Variants in PTPRD observed in about 807,000 individuals in gnomAD.
PTPRD encodes protein tyrosine phosphatase receptor type D.
PTPRD carries 34 observed loss-of-function variants against 214.5 expected under a neutral mutation model. That is an observed-to-expected ratio of 0.16 (90% confidence interval 0.12 to 0.21). The LOEUF (loss-of-function observed/expected upper bound fraction) is 0.21. Among genes scored for constraint, PTPRD ranks in the 10% least tolerant of loss-of-function variants. The probability of loss-of-function intolerance (pLI) is 1.00; values close to 1 mark genes in which losing one functional copy is unlikely to be tolerated. For synonymous variants in PTPRD, 1,128 were observed against 845.7 expected, an observed-to-expected ratio of 1.33 and a Z score of -5.79; for missense variants, 2,545 against 2,398.7, an observed-to-expected ratio of 1.06 and a Z score of -1.27.
In PTPRD at chr9:8,317,877, C is replaced by A; in HGVS notation, c.5736G>T (p.Thr1912=). The A allele has an allele frequency of 6.2e-7, 1 of 1,611,936 alleles. No homozygotes were observed. Among genetic ancestry groups the A allele is most frequent in the Non-Finnish European group, 8.5e-7 (1 of 1,178,550 alleles). ...ATCCAGAATGGGTCAGGGGTTTCTA[C>A]GTTGCATAGTGGTCAAAGCTGCCCA... ...EYLGSFDHYA[T] is the part of the protein sequence containing the mutation. Residue 1912 remains threonine (T), a synonymous_variant, in exon 46 of 46, where the codon ACG becomes ACT. Transcript: ENST00000381196.
intron 10 of PTPRD, among the ~76,000 whole-genome samples, chr9:9,088,822 C>G (rs900198727): frequency 2.6e-5 from 4 of 152,070 alleles, no homozygotes; most frequent in African/African-American, 9.7e-5. Flanking sequence ...AAACTTGACC[C>G]TGTCACTTCA....
At chr9:8,582,727 G>A (rs2093288257) in intron 14 of PTPRD, among the ~76,000 whole-genome samples, 1 of 152,146 alleles carries the variant, frequency 6.6e-6, no homozygotes, top group East Asian at 1.9e-4. Context: ...GTAAGCCTCT[G>A]AAAATACAAA....
chr9:8,319,531 G>A (rs941978133), intron 45 of PTPRD, among the ~76,000 whole-genome samples: 1 of 151,680 alleles, frequency 6.6e-6, no homozygotes, highest in African/African-American at 2.4e-5. Context: ...TTATATTATA[G>A]GACTATGAAT....
At chr9:8,665,897 C>A (rs1488802617) in intron 12 of PTPRD, among the ~76,000 whole-genome samples, 2 of 152,162 alleles carry the variant, frequency 1.3e-5, no homozygotes, top group Non-Finnish European at 2.9e-5. Context: ...TGATAAGATA[C>A]ACTGTGGTTA....
chr9:8,508,641 A>G (rs2097590425), intron 21 of PTPRD, among the ~76,000 whole-genome samples: 1 of 152,242 alleles, frequency 6.6e-6, no homozygotes, highest in Non-Finnish European at 1.5e-5. Context: ...AGTGTGCTTT[A>G]AAACATCTAA....
intron 2 of PTPRD, among the ~76,000 whole-genome samples, chr9:10,428,439 T>G (rs555114427): frequency 6.6e-6 from 1 of 152,192 alleles, no homozygotes; most frequent in African/African-American, 2.4e-5. Flanking sequence ...CTGGGTAAAA[T>G]ATTTTCTAAA....
intron 5 of PTPRD, among the ~76,000 whole-genome samples, chr9:9,834,675 T>G (rs1230827989): frequency 6.6e-6 from 1 of 152,012 alleles, no homozygotes; most frequent in African/African-American, 2.4e-5. Context: ...TTAATAAAAA[T>G]TAATTGCATA....
At chr9:8,821,663 A>G (rs2097067152) in intron 11 of PTPRD, among the ~76,000 whole-genome samples, 1 of 152,134 alleles carries the variant, frequency 6.6e-6, no homozygotes, top group Admixed American at 6.5e-5. Flanking sequence ...ACATCCATCC[A>G]ATAAGTTCCT....
At chr9:8,561,022 C>T (rs891969790) in intron 14 of PTPRD, among the ~76,000 whole-genome samples, 1 of 151,880 alleles carries the variant, frequency 6.6e-6, no homozygotes, top group African/African-American at 2.4e-5. Context: ...TTTTAAACTC[C>T]ACCTCCAAAC....
intron 11 of PTPRD, among the ~76,000 whole-genome samples, chr9:8,817,878 T>A (rs1490977205): frequency 2.0e-5 from 3 of 152,100 alleles, no homozygotes; most frequent in African/African-American, 7.2e-5. Flanking sequence ...TAAGACTGGG[T>A]TGGAAATAAT....
intron 20 of PTPRD, 152 bp from the exon 21 acceptor site, chr9:8,518,581 C>T: frequency 1.6e-6 from 1 of 608,352 alleles, no homozygotes; most frequent in Non-Finnish European, 2.7e-6. Context: ...TCTGAATGGC[C>T]AAGAAGGACA....
intron 8 of PTPRD, among the ~76,000 whole-genome samples, chr9:9,404,673 C>T (rs376149028): frequency 1.3e-4 from 20 of 152,058 alleles, no homozygotes; most frequent in South Asian, 2.1e-4. Context: ...AAGTTGGATG[C>T]GGAAACCTAT....
At chr9:10,168,753 T>A (rs993412928) in intron 3 of PTPRD, among the ~76,000 whole-genome samples, 1 of 152,180 alleles carries the variant, frequency 6.6e-6, no homozygotes, top group African/African-American at 2.4e-5. Flanking sequence ...TCTTTGAGTA[T>A]CAGACAAAAG....
intron 10 of PTPRD, among the ~76,000 whole-genome samples, chr9:9,019,763 G>A (rs2099556061): frequency 6.6e-6 from 1 of 152,092 alleles, no homozygotes; most frequent in Non-Finnish European, 1.5e-5. Flanking sequence ...TCAACGTTGA[G>A]AAAGATACAA....
intron 9 of PTPRD, among the ~76,000 whole-genome samples, chr9:9,373,094 T>A (rs2059952623): frequency 6.6e-6 from 1 of 152,110 alleles, no homozygotes; most frequent in Non-Finnish European, 1.5e-5. Flanking sequence ...ACAGTTTATG[T>A]TCCTTAGCCA....
At position 10,110,543 on chromosome 9, in the gene PTPRD, A is replaced by C. The variant is rs536548732; in HGVS notation, c.-544-76753T>G. On this transcript the variant is annotated intron_variant, in intron 3 of 45. Transcript: ENST00000381196. The stretch of plus-strand genomic sequence containing the variant: ...AATTTGAAAAGAAAATGAGATGAGA[A>C]AGGGGGAAACAAAAACATGAGAAAG... 2.0e-5 allele frequency among the ~76,000 whole-genome samples: 3 copies of C among 152,316 alleles called. No individual in the cohort carries two copies. In the South Asian group the frequency reaches 6.2e-4, roughly 32 times the overall value.
At chr9:9,371,086 T>C (rs996363442) in intron 9 of PTPRD, among the ~76,000 whole-genome samples, 1 of 152,110 alleles carries the variant, frequency 6.6e-6, no homozygotes, top group African/African-American at 2.4e-5. Flanking sequence ...TTTTTGTTTT[T>C]TTCTCTGCCA....
At chr9:10,363,413 T>C (rs1221252459) in intron 2 of PTPRD, among the ~76,000 whole-genome samples, 2 of 152,216 alleles carry the variant, frequency 1.3e-5, no homozygotes, top group Non-Finnish European at 2.9e-5. Context: ...CACACTTCCC[T>C]TCTTATTTTC....
intron 3 of PTPRD, among the ~76,000 whole-genome samples, chr9:10,336,395 G>C (rs2096844029): frequency 6.6e-6 from 1 of 151,520 alleles, no homozygotes; most frequent in Non-Finnish European, 1.5e-5. Context: ...ACGAGCATGA[G>C]GATTATGGGT....
Sources: allele counts gnomAD v4.1 joint callset (sites outside exome capture counted in the v4.1 genomes callset), GRCh38; gene constraint gnomAD v4.1.1; transcripts MANE v1.5; gene names NCBI Gene and HGNC (gene_info 2026-07-23, HGNC 2026-07-21).